The following ZC3H15 variants were observed in gnomAD, a reference collection of about 807,000 sequenced individuals.
The protein encoded by ZC3H15 is zinc finger CCCH domain-containing protein 15.
ZC3H15 carries 15 observed loss-of-function variants against 51.2 expected under a neutral mutation model. The ratio of observed to expected loss-of-function variants is 0.29; its 90% confidence interval spans 0.20 to 0.45. The LOEUF is 0.45. Ranked by LOEUF, ZC3H15 falls within the 20% of genes least tolerant of loss-of-function variation. The pLI is 1.00. For synonymous variants in ZC3H15, 144 were observed against 162.8 expected (o/e 0.88, Z 0.88); for missense variants, 381 against 494.7 (o/e 0.77, Z 2.18).
chr2:186,508,528 A>G lies in ZC3H15; in HGVS notation c.1091-15A>G. 3 of 1,612,458 alleles carry G rather than the reference A, an allele frequency of 1.9e-6. No homozygotes were observed. Among genetic ancestry groups the G allele is most frequent in the South Asian group, 1.1e-5 (1 of 90,946 alleles). On this transcript the variant is annotated splice_polypyrimidine_tract_variant and intron_variant, in intron 9 of 9. Coordinates refer to ENST00000337859, the MANE Select transcript of ZC3H15 (RefSeq NM_018471.3). ...TCTGCTTCTACGCCTTACTGATTCC[A>G]GTTTTTATATTTAGAAAACAAATTA...
chr2:186,501,483 CTAAGA>C, intron 4 of ZC3H15, 58 bp downstream of exon 4: 1 of 1,391,682 alleles, frequency 7.2e-7, no homozygotes, highest in Non-Finnish European at 9.8e-7. Flanking sequence ...CGGTTTGCTA[CTAAGA>C]TATTTATTAA....
intron 4 of ZC3H15, among the ~76,000 whole-genome samples, chr2:186,501,958 C>T (rs1004745872): frequency 3.3e-5 from 5 of 152,106 alleles, no homozygotes; most frequent in South Asian, 2.1e-4. Context: ...GATCTGCCCA[C>T]GCTGGCCTCT....
chr2:186,501,630 T>C (rs1230363349), intron 4 of ZC3H15, among the ~76,000 whole-genome samples: 1 of 152,174 alleles, frequency 6.6e-6, no homozygotes, highest in East Asian at 1.9e-4. Flanking sequence ...AAACAGTGAT[T>C]TATTTTGGAA....
intron 1 of ZC3H15, among the ~76,000 whole-genome samples, chr2:186,492,439 A>C (rs568656952): frequency 6.6e-6 from 1 of 152,210 alleles, no homozygotes; most frequent in African/African-American, 2.4e-5. Context: ...ACCTTTTTTC[A>C]TACACATAGG....
At position 186,507,385 on chromosome 2, in the gene ZC3H15, T is replaced by C. The variant is rs181459013; in HGVS notation, c.1090+549T>C. ...AAAATGAATACAGTCCTCTCTCTCTTAATGTTTAGAGGGAAGACATGGTCA... is the reference window on the plus strand; with the variant it reads ...AAAATGAATACAGTCCTCTCTCTCTCAATGTTTAGAGGGAAGACATGGTCA... On this transcript the variant is annotated intron_variant, in intron 9 of 9. Coordinates refer to ENST00000337859, the MANE Select transcript of ZC3H15 (RefSeq NM_018471.3). 675 of 456,592 alleles carry C rather than the reference T, an allele frequency of 1.5e-3. 4 individuals are homozygous for C. Among genetic ancestry groups the C allele is most frequent in the African/African-American group, 0.011 (571 of 50,162 alleles). The allele number at this position is 456,592 out of a possible 1,614,324, so 28.3% of individuals were successfully genotyped here.
intron 6 of ZC3H15, 28 bp from the exon 7 acceptor site, chr2:186,505,423 A>G (rs752519184): frequency 6.0e-5 from 90 of 1,508,594 alleles, no homozygotes; most frequent in Non-Finnish European, 7.5e-5. Flanking sequence ...ACTTCTGTGG[A>G]AAAAAAATTA....
intron 9 of ZC3H15, among the ~76,000 whole-genome samples, chr2:186,508,132 T>C (rs1411648707): frequency 1.3e-5 from 2 of 152,224 alleles, no homozygotes; most frequent in African/African-American, 4.8e-5. Context: ...ATGATTTAAA[T>C]ACTATTTGCA....
chr2:186,502,412 AAC>A, intron 4 of ZC3H15, 82 bp from the exon 5 acceptor site: 2 of 1,182,012 alleles, frequency 1.7e-6, no homozygotes, highest in Non-Finnish European at 2.4e-6. Flanking sequence ...TGAGTCTTAT[AAC>A]ACAGCATTAG....
At chr2:186,502,054 A>C (rs537374212) in intron 4 of ZC3H15, among the ~76,000 whole-genome samples, 1 of 151,372 alleles carries the variant, frequency 6.6e-6, no homozygotes, top group East Asian at 2.0e-4. Context: ...TTGGTGTTTT[A>C]AGAAAACCGT....
chr2:186,499,992 T>G (rs1685351059), intron 2 of ZC3H15, among the ~76,000 whole-genome samples, 190 bp from the exon 3 acceptor site: 1 of 152,216 alleles, frequency 6.6e-6, no homozygotes, highest in East Asian at 1.9e-4. Context: ...CTAGGCATGG[T>G]ACCATCATTA....
chr2:186,495,215 G>A lies in ZC3H15; in HGVS notation c.76-18G>A, dbSNP rs367942954. On this transcript the variant is annotated intron_variant, in intron 1 of 9. Transcript: ENST00000337859. ...TAACATAAATTGCTAAGATATTTCT[G>A]TGCTCTTTCTCATGTAGGACAAAAC... The A allele has an allele frequency of 2.0e-6, 3 of 1,483,012 alleles. No homozygotes were observed. In the African/African-American group the frequency reaches 4.4e-5, roughly 22 times the overall value. The allele number at this position is 1,483,012 out of a possible 1,614,324, so 91.9% of individuals were successfully genotyped here.
intron 6 of ZC3H15, among the ~76,000 whole-genome samples, chr2:186,504,867 G>T (rs1685443531): frequency 6.6e-6 from 1 of 152,158 alleles, no homozygotes; most frequent in Admixed American, 6.5e-5. Context: ...TCAGAATCAG[G>T]TATATTTGAG....
At chr2:186,487,254 G>A (rs1685113315) in intron 1 of ZC3H15, 1 of 152,136 alleles carries the variant, frequency 6.6e-6, no homozygotes, top group Non-Finnish European at 1.5e-5. Flanking sequence ...GAACGCTATT[G>A]ACGTTCTTAC....
chr2:186,507,088 G>A (rs915922074), intron 9 of ZC3H15, among the ~76,000 whole-genome samples: 2 of 152,106 alleles, frequency 1.3e-5, no homozygotes, highest in South Asian at 2.1e-4. Flanking sequence ...AGTTCACTTC[G>A]GGACCTCATG....
At position 186,508,928 on chromosome 2, in the gene ZC3H15, A is replaced by G. The variant is rs1266492896; in HGVS notation, c.*195A>G. 30 of 660,838 alleles carry G rather than the reference A, an allele frequency of 4.5e-5. No homozygotes were observed. Among genetic ancestry groups the G allele is most frequent in the Non-Finnish European group, 7.9e-5 (29 of 368,816 alleles). The allele number at this position is 660,838 out of a possible 1,614,324, so 40.9% of individuals were successfully genotyped here. ...TGGCTACATCTCATAGTAAGTTCAG[A>G]GTAGTTCATGATAAATTGAAAATAT... On this transcript the variant is annotated 3_prime_UTR_variant, in exon 10 of 10. Coordinates refer to ENST00000337859, the MANE Select transcript of ZC3H15 (RefSeq NM_018471.3).
chr2:186,486,548 T>A, intron 1 of ZC3H15, 91 bp downstream of exon 1: 1 of 1,392,770 alleles, frequency 7.2e-7, no homozygotes, highest in Non-Finnish European at 9.7e-7. Context: ...GCTCGCTTCC[T>A]CGGGCCACGT....
chr2:186,486,649 C>G (rs778561871), intron 1 of ZC3H15, among the ~76,000 whole-genome samples, 192 bp downstream of exon 1: 19 of 152,200 alleles, frequency 1.2e-4, no homozygotes, highest in Non-Finnish European at 2.4e-4. Context: ...CTGCTGGCGC[C>G]CCCGCACCTG....
intron 9 of ZC3H15, among the ~76,000 whole-genome samples, chr2:186,507,937 A>C (rs1685492957): frequency 1.3e-5 from 2 of 152,208 alleles, no homozygotes; most frequent in South Asian, 4.1e-4. Context: ...CTAAAATCTA[A>C]ATTAGGCTGT....
intron 1 of ZC3H15, 125 bp downstream of exon 1, chr2:186,486,582 C>T (rs1049157333): frequency 1.1e-5 from 10 of 950,622 alleles, no homozygotes; most frequent in African/African-American, 1.0e-4. Context: ...GCCTGTGTGG[C>T]CCACTGCCCC....
Sources: gnomAD v4.1 joint callset for allele counts (sites outside exome capture counted in the v4.1 genomes callset) on GRCh38, gnomAD v4.1.1 for gene constraint, MANE v1.5 for transcripts, NCBI Gene and HGNC (gene_info 2026-07-23, HGNC 2026-07-21) for gene names.